Variants in CADM2 observed in about 807,000 individuals in gnomAD.
The protein encoded by CADM2 is cell adhesion molecule 2.
In CADM2, 12 loss-of-function variants were observed where a neutral mutation model predicts 49.8. The observed-to-expected ratio is 0.24, with a 90% CI of 0.15 to 0.39. CADM2 has a LOEUF of 0.39. CADM2 is among the 10% of genes least tolerant of loss of function. The pLI is 1.00. For synonymous variants in CADM2, 214 were observed against 175.4 expected (o/e 1.22, Z -1.74); for missense variants, 378 against 492.3 (o/e 0.77, Z 2.20).
chr3:85,288,039 A>C (rs1004590884), intron 1 of CADM2, among the ~76,000 whole-genome samples: 8 of 152,208 alleles, frequency 5.3e-5, no homozygotes, highest in Non-Finnish European at 1.2e-4. Flanking sequence ...TGGCACATGT[A>C]TACATATGTA....
rs890375193 is a variant in CADM2 at position 85,339,446 on chromosome 3, C to T, written c.61+379778C>T. ...TTCTCTAGTTTATAGAATCATTCCT[C>T]AATAATGGTTTCTCTTGGTCTCCCA... On this transcript the variant is annotated intron_variant, in intron 1 of 9. Coordinates refer to ENST00000383699, the MANE Select transcript of CADM2 (RefSeq NM_001167675.2). Among the ~76,000 whole-genome samples, 5 of 151,628 alleles carry T rather than the reference C, an allele frequency of 3.3e-5. No individual in the cohort carries two copies. In the South Asian group the frequency reaches 6.2e-4, roughly 19 times the overall value.
chr3:85,363,112 A>G (rs1393803021), intron 1 of CADM2, among the ~76,000 whole-genome samples: 4 of 152,200 alleles, frequency 2.6e-5, no homozygotes, highest in Admixed American at 6.5e-5. Context: ...GCCGGGCTAC[A>G]CAGCACTGCA....
At chr3:85,959,880 C>CA (rs1171314801) in intron 7 of CADM2, among the ~76,000 whole-genome samples, 1 of 151,852 alleles carries the variant, frequency 6.6e-6, no homozygotes, top group East Asian at 2.0e-4. Flanking sequence ...TGTATAATGA[C>CA]AAAATCACTT....
At chr3:85,471,118 G>A (rs184865006) in intron 1 of CADM2, among the ~76,000 whole-genome samples, 2 of 152,194 alleles carry the variant, frequency 1.3e-5, no homozygotes, top group East Asian at 3.9e-4. Context: ...GGAGTTTTAT[G>A]TCTGTCTTAA....
chr3:85,043,720 C>T (rs1487660562), intron 1 of CADM2, among the ~76,000 whole-genome samples: 2 of 151,778 alleles, frequency 1.3e-5, no homozygotes, highest in Non-Finnish European at 2.9e-5. Context: ...CTTCAGGCAC[C>T]ATATGTTTCT....
At chr3:85,716,394 CTAGATAT>C (rs1285917273) in intron 1 of CADM2, among the ~76,000 whole-genome samples, 1 of 152,064 alleles carries the variant, frequency 6.6e-6, no homozygotes, top group Non-Finnish European at 1.5e-5. Flanking sequence ...CTTGTAGATT[CTAGATAT>C]TAGACCTTTG....
chr3:85,114,805 A>T (rs1047419181), intron 1 of CADM2, among the ~76,000 whole-genome samples: 1 of 152,198 alleles, frequency 6.6e-6, no homozygotes, highest in African/African-American at 2.4e-5. Context: ...ATATATTGCC[A>T]GGCACTTAAA....
chr3:85,048,608 G>A (rs2035757703), intron 1 of CADM2, among the ~76,000 whole-genome samples: 1 of 152,112 alleles, frequency 6.6e-6, no homozygotes, highest in African/African-American at 2.4e-5. Flanking sequence ...CGAGGAGTGA[G>A]AAACAAAACT....
intron 1 of CADM2, among the ~76,000 whole-genome samples, chr3:85,480,023 G>A (rs1382024907): frequency 6.6e-6 from 1 of 151,624 alleles, no homozygotes; most frequent in Non-Finnish European, 1.5e-5. Context: ...ACTCTGTGTA[G>A]GCCGTATAAC....
At chr3:85,602,152 G>C (rs939688850) in intron 1 of CADM2, among the ~76,000 whole-genome samples, 2 of 151,762 alleles carry the variant, frequency 1.3e-5, no homozygotes, top group Non-Finnish European at 1.5e-5. Flanking sequence ...AGGTAAATTT[G>C]TTTAAGAGTG....
At chr3:85,213,169 C>A (rs62250652) in intron 1 of CADM2, among the ~76,000 whole-genome samples, 18,268 of 151,954 alleles carry the variant, frequency 0.12, 1,356 homozygotes, top group East Asian at 0.2. Flanking sequence ...AGGTGTGAAC[C>A]ACCGTGCCTG....
intron 1 of CADM2, among the ~76,000 whole-genome samples, chr3:85,441,947 C>T (rs1247505921): frequency 2.0e-5 from 3 of 151,880 alleles, no homozygotes; most frequent in African/African-American, 7.3e-5. Flanking sequence ...AATAAATTAG[C>T]TAAAAATAAA....
chr3:85,023,278 C>T (rs978717657), intron 1 of CADM2, among the ~76,000 whole-genome samples: 23 of 152,106 alleles, frequency 1.5e-4, no homozygotes, highest in African/African-American at 5.5e-4. Flanking sequence ...GCTAAGAAAA[C>T]CTCTCTAGTA....
At chr3:85,521,196 C>T (rs1441076509) in intron 1 of CADM2, among the ~76,000 whole-genome samples, 2 of 152,092 alleles carry the variant, frequency 1.3e-5, no homozygotes, top group Non-Finnish European at 2.9e-5. Flanking sequence ...TATTTTAGAA[C>T]AGATTTCTGT....
intron 1 of CADM2, among the ~76,000 whole-genome samples, chr3:85,066,356 G>T (rs1338158649): frequency 6.7e-6 from 1 of 149,584 alleles, no homozygotes; most frequent in African/African-American, 2.5e-5. Context: ...TCCCCAACTA[G>T]GGGTAAAATG....
chr3:85,318,654 T>C (rs1195647784), intron 1 of CADM2, among the ~76,000 whole-genome samples: 1 of 152,152 alleles, frequency 6.6e-6, no homozygotes, highest in African/African-American at 2.4e-5. Context: ...ATATGAATAT[T>C]TTTAAAAAGT....
At chr3:85,195,887 T>A (rs1408737490) in intron 1 of CADM2, among the ~76,000 whole-genome samples, 3 of 152,126 alleles carry the variant, frequency 2.0e-5, no homozygotes, top group Non-Finnish European at 4.4e-5. Flanking sequence ...ATGAAACAGT[T>A]GTCATTTTAA....
chr3:85,558,657 GT>G (rs1351180379), intron 1 of CADM2, among the ~76,000 whole-genome samples: 1 of 151,950 alleles, frequency 6.6e-6, no homozygotes, highest in Non-Finnish European at 1.5e-5. Context: ...AATAACCTCA[GT>G]TTTTATTACC....
rs771257590 is a variant in CADM2, at chr3:85,912,522, A to G, written c.679A>G (p.Met227Val). 6.2e-7 allele frequency: 1 copy of G among 1,613,722 alleles called. No individual in the cohort carries two copies. The highest frequency in any genetic ancestry group is 8.5e-7 in the Non-Finnish European group (1 of 1,179,800). ...CCTCAATGCCACCCCTCAGGTAGCC[A>G]TGCAGGTGCTAGAAATACACTGTAA... ...ESLNATPQVA[M>V]QVLEIHYTPS... Residue 227 changes from methionine to valine, a missense_variant, in exon 6 of 10, where the codon ATG becomes GTG. Met to Val is a conservative substitution (Grantham distance 21). Coordinates refer to ENST00000383699, the MANE Select transcript of CADM2 (RefSeq NM_001167675.2).
Sources: gnomAD v4.1 joint callset for allele counts (sites outside exome capture counted in the v4.1 genomes callset) on GRCh38, gnomAD v4.1.1 for gene constraint, MANE v1.5 for transcripts, NCBI Gene and HGNC (gene_info 2026-07-23, HGNC 2026-07-21) for gene names.